VWA3B: variants seen among roughly 807,000 people sequenced by gnomAD.
VWA3B encodes von Willebrand factor A domain-containing protein 3B.
In VWA3B, 138 loss-of-function variants were observed where a neutral mutation model predicts 158.3. That is an observed-to-expected ratio of 0.87 (90% CI 0.76 to 1.00). VWA3B has a LOEUF of 1.00. Among genes scored for constraint, VWA3B ranks in the 50% least tolerant of loss-of-function variants. The probability of loss-of-function intolerance (pLI) is 0.00; values close to 1 mark genes in which losing one functional copy is unlikely to be tolerated. For synonymous variants in VWA3B, 596 were observed against 587.3 expected (o/e 1.01, Z -0.21); for missense variants, 1,555 against 1,565.1 (o/e 0.99, Z 0.11).
At chr2:98,267,174 G>T (rs1224777622) in intron 21 of VWA3B, among the ~76,000 whole-genome samples, 1 of 151,254 alleles carries the variant, frequency 6.6e-6, no homozygotes, top group African/African-American at 2.4e-5. Context: ...TATGATATTG[G>T]CTGTGGGTTT....
chr2:98,179,781 CTT>C (rs1372861252), intron 8 of VWA3B, among the ~76,000 whole-genome samples: 3 of 67,028 alleles, frequency 4.5e-5, no homozygotes, highest in Non-Finnish European at 9.3e-5. Flanking sequence ...CTTTCTTTCT[CTT>C]TCTTTTCTTT....
Position 98,200,969 on chromosome 2 carries a change from A to T in VWA3B, c.1737+6477A>T, listed in dbSNP as rs986845047. Among the ~76,000 whole-genome samples, 3 of 152,274 alleles carry T rather than the reference A, an allele frequency of 2.0e-5. No individual in the cohort carries two copies. In the South Asian group the frequency reaches 6.2e-4, roughly 32 times the overall value. Reference sequence around the variant, plus strand: ...ATCCGTGTGGGTCTATTTTTGTTTCATTGAACTATTAATAGGTGTCTGTTC... The same window carrying T: ...ATCCGTGTGGGTCTATTTTTGTTTCTTTGAACTATTAATAGGTGTCTGTTC... On this transcript the variant is annotated intron_variant, in intron 12 of 27. Coordinates refer to ENST00000477737, the MANE Select transcript of VWA3B (RefSeq NM_144992.5).
At chr2:98,157,807 C>A (rs766442863) in intron 7 of VWA3B, among the ~76,000 whole-genome samples, 3 of 138,502 alleles carry the variant, frequency 2.2e-5, no homozygotes, top group Admixed American at 1.5e-4. Flanking sequence ...ACAGTAGGAC[C>A]GAGGGGATGG....
rs554769121 is a variant in VWA3B, at chr2:98,217,404, CT to C, written c.1837-441del. Among the ~76,000 whole-genome samples the C allele has an allele frequency of 2.2e-3, 337 of 152,276 alleles. 2 individuals carry two copies. Among genetic ancestry groups the C allele is most frequent in the Non-Finnish European group, 3.6e-3 (246 of 68,010 alleles). ...AGACCCTGCCTGCTTTCTTCAGTTT[CT>C]AAGATGAATGCCCAGCACATGGGAA... On this transcript the variant is annotated intron_variant, in intron 13 of 27. Transcript: ENST00000477737.
intron 7 of VWA3B, 101 bp from the exon 8 acceptor site, chr2:98,162,750 T>A (rs1273040597): frequency 6.8e-7 from 1 of 1,474,650 alleles, no homozygotes; most frequent in Non-Finnish European, 9.0e-7. Flanking sequence ...TGTTCAGAAA[T>A]GTTCCAGAAA....
At chr2:98,186,243 C>T (rs2105378168) in intron 9 of VWA3B, among the ~76,000 whole-genome samples, 1 of 149,186 alleles carries the variant, frequency 6.7e-6, no homozygotes, top group East Asian at 2.0e-4. Context: ...TTCTTTGTGA[C>T]TTCTCCTTGT....
chr2:98,119,840 C>A, intron 4 of VWA3B, 77 bp downstream of exon 4: 5 of 1,546,606 alleles, frequency 3.2e-6, no homozygotes, highest in Non-Finnish European at 4.4e-6. Flanking sequence ...AGTAGCACAG[C>A]TGACACAGTT....
intron 12 of VWA3B, among the ~76,000 whole-genome samples, chr2:98,199,373 A>AT (rs1213187575): frequency 2.6e-5 from 4 of 152,124 alleles, no homozygotes; most frequent in Non-Finnish European, 5.9e-5. Flanking sequence ...AGGGCCTGAG[A>AT]TTTTACCTTT....
chr2:98,215,692 A>G (rs1433793510), intron 13 of VWA3B, among the ~76,000 whole-genome samples: 1 of 151,544 alleles, frequency 6.6e-6, no homozygotes, highest in Non-Finnish European at 1.5e-5. Flanking sequence ...TAATTTTTGT[A>G]TTTTTGGTAA....
intron 6 of VWA3B, among the ~76,000 whole-genome samples, chr2:98,129,202 GA>G (rs1197979504): frequency 3.1e-5 from 4 of 127,348 alleles, no homozygotes; most frequent in African/African-American, 1.5e-4. Context: ...GTGAGAGAGA[GA>G]GAGGAGAGAG....
intron 2 of VWA3B, among the ~76,000 whole-genome samples, chr2:98,110,578 A>G (rs1342675007): frequency 6.6e-6 from 1 of 152,098 alleles, no homozygotes; most frequent in Non-Finnish European, 1.5e-5. Flanking sequence ...AAACTGGGAC[A>G]TTTCCCAAAT....
intron 6 of VWA3B, among the ~76,000 whole-genome samples, chr2:98,131,038 C>G (rs1272387346): frequency 6.6e-6 from 1 of 152,178 alleles, no homozygotes; most frequent in Non-Finnish European, 1.5e-5. Flanking sequence ...TTCTATCTCA[C>G]TGTATGAACC....
chr2:98,246,376 T>G (rs1054083526), intron 19 of VWA3B, among the ~76,000 whole-genome samples: 12 of 152,008 alleles, frequency 7.9e-5, no homozygotes, highest in African/African-American at 2.9e-4. Context: ...TAATTTTTAT[T>G]TATTTATTTA....
In VWA3B at chr2:98,180,659, C is replaced by G. The variant is rs779959602; in HGVS notation, c.1115-357C>G. Reference sequence around the variant, plus strand: ...AAGGTGATGGAGCCAGGCCTTGAAGCCAGAGCTTCTGACTCCATCCTTACA... The same window carrying G: ...AAGGTGATGGAGCCAGGCCTTGAAGGCAGAGCTTCTGACTCCATCCTTACA... On this transcript the variant is annotated intron_variant, in intron 8 of 27. Coordinates refer to ENST00000477737, the MANE Select transcript of VWA3B (RefSeq NM_144992.5). Among the ~76,000 whole-genome samples, 3 of 152,342 alleles carry G rather than the reference C, an allele frequency of 2.0e-5. No homozygotes were observed. The Middle Eastern group carries it at 0.01, about 518-fold the overall frequency.
At chr2:98,088,236 C>G (rs1038177275) in intron 1 of VWA3B, among the ~76,000 whole-genome samples, 1 of 152,184 alleles carries the variant, frequency 6.6e-6, no homozygotes, top group African/African-American at 2.4e-5. Context: ...TTTTCAGAAA[C>G]TAACAGGGGT....
intron 13 of VWA3B, chr2:98,217,084 C>A: frequency 1.2e-6 from 1 of 824,952 alleles, no homozygotes; most frequent in Non-Finnish European, 1.7e-6. Flanking sequence ...GGTGGGGGTT[C>A]CCCTCAATGG....
intron 21 of VWA3B, among the ~76,000 whole-genome samples, chr2:98,264,627 A>G (rs1165057423): frequency 6.6e-6 from 1 of 152,132 alleles, no homozygotes; most frequent in Non-Finnish European, 1.5e-5. Flanking sequence ...TTTGTGGCCT[A>G]ACATTCAGTC....
intron 8 of VWA3B, among the ~76,000 whole-genome samples, chr2:98,166,606 T>A (rs527757957): frequency 2.0e-4 from 30 of 152,218 alleles, no homozygotes; most frequent in African/African-American, 7.0e-4. Context: ...TAAATGTCTG[T>A]CCTTTAAGCC....
At chr2:98,100,140 T>C (rs142495498) in intron 2 of VWA3B, among the ~76,000 whole-genome samples, 1 of 152,350 alleles carries the variant, frequency 6.6e-6, no homozygotes, top group African/African-American at 2.4e-5. Flanking sequence ...TTGATCCTTG[T>C]GGTTGTACAT....
Sources: allele counts gnomAD v4.1 joint callset (sites outside exome capture counted in the v4.1 genomes callset), GRCh38; gene constraint gnomAD v4.1.1; transcripts MANE v1.5; gene names NCBI Gene and HGNC (gene_info 2026-07-23, HGNC 2026-07-21).